The following FAR2 variants were observed in gnomAD, a reference collection of about 807,000 sequenced individuals.
FAR2 encodes fatty acyl-CoA reductase 2.
Under a neutral mutation model 56.0 loss-of-function variants are expected in FAR2, and 19 were observed. The observed-to-expected ratio is 0.34, with a 90% CI of 0.24 to 0.50. The LOEUF is 0.50. Ranked by LOEUF, FAR2 falls within the 20% of genes least tolerant of loss-of-function variation. The pLI is 0.98. For synonymous variants in FAR2, 219 were observed against 218.8 expected (o/e 1.00, Z -0.01); for missense variants, 508 against 642.2 (o/e 0.79, Z 2.26).
chr12:29,157,106 T>TTTTTTA (rs1207127541), intron 1 of FAR2: 1 of 73,458 alleles, frequency 1.4e-5, no homozygotes, highest in Non-Finnish European at 2.5e-5. Flanking sequence ...AAAGAACATT[T>TTTTTTA]TATATATATA....
chr12:29,223,846 C>T (rs1350893407), intron 1 of FAR2: 1 of 152,134 alleles, frequency 6.6e-6, no homozygotes, highest in Non-Finnish European at 1.5e-5. Context: ...CTGCTCAGCT[C>T]GTATTCTGGT....
chr12:29,235,564 A>G (rs1203242929), intron 1 of FAR2, among the ~76,000 whole-genome samples: 1 of 152,210 alleles, frequency 6.6e-6, no homozygotes, highest in Non-Finnish European at 1.5e-5. Flanking sequence ...AGATAAATCT[A>G]TAGCAAATAT....
chr12:29,253,866 T>G (rs186494253), intron 1 of FAR2, among the ~76,000 whole-genome samples: 13 of 152,350 alleles, frequency 8.5e-5, no homozygotes, highest in Non-Finnish European at 1.3e-4. Context: ...GTGTAGCACA[T>G]AGTAGACATT....
chr12:29,227,567 G>T (rs12309340), intron 1 of FAR2, among the ~76,000 whole-genome samples: 7,653 of 152,170 alleles, frequency 0.05, 462 homozygotes, highest in African/African-American at 0.15. Flanking sequence ...TTGCCCCAAG[G>T]TTTCCTGCGT....
chr12:29,320,651 A>T (rs1158166949), intron 9 of FAR2, among the ~76,000 whole-genome samples: 38 of 152,228 alleles, frequency 2.5e-4, no homozygotes, highest in African/African-American at 8.9e-4. Context: ...TTGTAGCTAA[A>T]AGACCTAGGT....
intron 4 of FAR2, among the ~76,000 whole-genome samples, chr12:29,300,848 G>T (rs1591946808): frequency 6.6e-6 from 1 of 152,178 alleles, no homozygotes; most frequent in East Asian, 1.9e-4. Context: ...AAAATCAGTT[G>T]AATGGGAATT....
intron 4 of FAR2, among the ~76,000 whole-genome samples, chr12:29,305,466 C>G (rs1055257781): frequency 6.6e-6 from 1 of 152,126 alleles, no homozygotes; most frequent in Non-Finnish European, 1.5e-5. Context: ...CTAACTATTA[C>G]CTACAAAGAT....
intron 5 of FAR2, among the ~76,000 whole-genome samples, chr12:29,308,709 C>CGTATAT (rs1949296077): frequency 9.6e-6 from 1 of 103,690 alleles, no homozygotes; most frequent in Admixed American, 8.7e-5. Flanking sequence ...CACACACACA[C>CGTATAT]ACACACACAC....
chr12:29,322,473 G>A (rs12299290), intron 10 of FAR2, among the ~76,000 whole-genome samples: 2,437 of 152,096 alleles, frequency 0.016, 65 homozygotes, highest in African/African-American at 0.05. Context: ...CTCTCTATAG[G>A]ATTTCTCTAC....
intron 2 of FAR2, among the ~76,000 whole-genome samples, chr12:29,288,166 A>G (rs1213343219): frequency 1.3e-5 from 2 of 152,214 alleles, no homozygotes; most frequent in Admixed American, 1.3e-4. Flanking sequence ...GAACACTCCC[A>G]AAGTTTCCAA....
chr12:29,212,318 C>A (rs1947560301), intron 1 of FAR2, among the ~76,000 whole-genome samples: 1 of 152,010 alleles, frequency 6.6e-6, no homozygotes, highest in African/African-American at 2.4e-5. Context: ...GGTCTTTATT[C>A]TTGCTGACCA....
chr12:29,202,707 C>G (rs995462675), intron 1 of FAR2, among the ~76,000 whole-genome samples: 1 of 152,086 alleles, frequency 6.6e-6, no homozygotes, highest in Non-Finnish European at 1.5e-5. Flanking sequence ...TTTAAAGAAG[C>G]CTGGAACCTC....
chr12:29,225,535 T>A (rs1030584004), intron 1 of FAR2, among the ~76,000 whole-genome samples: 1 of 152,114 alleles, frequency 6.6e-6, no homozygotes, highest in Non-Finnish European at 1.5e-5. Context: ...AATTCGCATA[T>A]TTTTTTCCAG....
intron 1 of FAR2, among the ~76,000 whole-genome samples, chr12:29,247,010 C>T (rs1948139077): frequency 2.0e-5 from 3 of 152,036 alleles, no homozygotes. Context: ...TTCATAATAA[C>T]TAATAACTAA....
At chr12:29,149,524 C>G (rs1949663548) in intron 1 of FAR2, 117 bp downstream of exon 1, 1 of 152,398 alleles carries the variant, frequency 6.6e-6, no homozygotes, top group Non-Finnish European at 1.5e-5. Flanking sequence ...CGGGGCGGTT[C>G]CCGGCGGGAC....
intron 1 of FAR2, chr12:29,171,322 A>G (rs1949883159): frequency 6.6e-6 from 1 of 152,402 alleles, no homozygotes; most frequent in Non-Finnish European, 1.5e-5. Context: ...TTGCCTCGGC[A>G]TAGTGGACAT....
rs1414536383 is a variant in FAR2 at position 29,297,055 on chromosome 12, C to A, written c.400C>A (p.Gln134Lys). 1.9e-6 allele frequency: 3 copies of A among 1,610,022 alleles called. No individual in the cohort carries two copies. The highest frequency in any genetic ancestry group is 3.4e-5 in the Admixed American group (2 of 59,024). Residue 134 changes from glutamine to lysine, a missense_variant, in exon 4 of 12, where the codon CAG (glutamine) becomes AAG (lysine). Physicochemically the swap from Gln to Lys is moderately conservative, Grantham distance 53 (BLOSUM62 1). Transcript: ENST00000536681. ...GCAACTTAACGTCACTGCCACCCGG[C>A]AGCTCTTGCTTATGGCTAGTCAGAT... ...AVQLNVTATRQLLLMASQMPK... is the reference protein window; with the variant it reads ...AVQLNVTATRKLLLMASQMPK...
rs543023215 is a variant in FAR2, at chr12:29,208,467, T to TAAC, written c.-39+59062_-39+59063insCAA. Among the ~76,000 whole-genome samples, 221 of 152,376 alleles carry TAAC rather than the reference T, an allele frequency of 1.5e-3. 1 individual carries two copies. In the South Asian group the frequency reaches 0.021, roughly 15 times the overall value. The stretch of plus-strand genomic sequence containing the variant: ...CTTAATTTTACCGTGTAACCTTTCT[T>TAAC]AAGGTGTGGCATGCAACTATGTAAT... On this transcript the variant is annotated intron_variant, in intron 1 of 11. Coordinates refer to ENST00000536681, the MANE Select transcript of FAR2 (RefSeq NM_001271783.2).
intron 2 of FAR2, among the ~76,000 whole-genome samples, chr12:29,287,607 C>T (rs1948899241): frequency 7.5e-6 from 1 of 132,492 alleles, no homozygotes; most frequent in Non-Finnish European, 1.6e-5. Flanking sequence ...AGCAACCTTA[C>T]TCATTTATTT....
Sources: gnomAD v4.1 joint callset for allele counts (sites outside exome capture counted in the v4.1 genomes callset) on GRCh38, gnomAD v4.1.1 for gene constraint, MANE v1.5 for transcripts, NCBI Gene and HGNC (gene_info 2026-07-23, HGNC 2026-07-21) for gene names.